The following GPBP1 variants were observed in gnomAD, a reference collection of about 807,000 sequenced individuals.
GPBP1 encodes GC-rich promoter binding protein 1, also known as vasculin.
Under a neutral mutation model 56.5 loss-of-function variants are expected in GPBP1, and 13 were observed. The ratio of observed to expected loss-of-function variants is 0.23; its 90% CI spans 0.15 to 0.37. The LOEUF (loss-of-function observed/expected upper bound fraction) is 0.37. GPBP1 is among the 10% of genes least tolerant of loss of function. GPBP1 has a pLI of 1.00. For synonymous variants in GPBP1, 204 were observed against 188.9 expected (o/e 1.08, Z -0.66); for missense variants, 477 against 572.3 (o/e 0.83, Z 1.70).
chr5:57,190,695 T>G (rs1754482818), intron 2 of GPBP1, among the ~76,000 whole-genome samples: 1 of 54,054 alleles, frequency 1.8e-5, no homozygotes, highest in Non-Finnish European at 3.5e-5. Context: ...TGCTGTTAGC[T>G]TTTTTTTTTT....
chr5:57,195,639 A>C (rs1754709460), intron 2 of GPBP1, among the ~76,000 whole-genome samples: 1 of 152,158 alleles, frequency 6.6e-6, no homozygotes, highest in Non-Finnish European at 1.5e-5. Flanking sequence ...ATTAGGAGCT[A>C]GCTGTGATGA....
chr5:57,197,275 T>C (rs1487459583), intron 2 of GPBP1, among the ~76,000 whole-genome samples: 1 of 152,008 alleles, frequency 6.6e-6, no homozygotes, highest in East Asian at 1.9e-4. Context: ...AGAATCATTA[T>C]AGAATCTTTA....
At chr5:57,241,147 T>A (rs998161781) in intron 6 of GPBP1, among the ~76,000 whole-genome samples, 10 of 152,180 alleles carry the variant, frequency 6.6e-5, no homozygotes, top group African/African-American at 1.9e-4. Flanking sequence ...AATGAAGTAG[T>A]TAAATGTAGT....
intron 2 of GPBP1, among the ~76,000 whole-genome samples, chr5:57,187,494 A>G (rs1016669393): frequency 6.6e-6 from 1 of 152,164 alleles, no homozygotes; most frequent in Non-Finnish European, 1.5e-5. Flanking sequence ...GGGATTTTCT[A>G]GTGAACAAGG....
At chr5:57,219,163 G>A (rs2111789284) in intron 3 of GPBP1, among the ~76,000 whole-genome samples, 1 of 151,906 alleles carries the variant, frequency 6.6e-6, no homozygotes, top group East Asian at 1.9e-4. Flanking sequence ...ATCACCTGAG[G>A]TCAGGAGTTC....
At chr5:57,253,051 G>A (rs181467217) in intron 10 of GPBP1, among the ~76,000 whole-genome samples, 1 of 152,236 alleles carries the variant, frequency 6.6e-6, no homozygotes, top group East Asian at 1.9e-4. Flanking sequence ...CATCAGTATA[G>A]TCTAAAGCGT....
chr5:57,221,470 A>G (rs1265092440), intron 3 of GPBP1: 2 of 891,190 alleles, frequency 2.2e-6, no homozygotes, highest in Non-Finnish European at 3.6e-6. Context: ...TTGTTATGCT[A>G]GGAAGGATGA....
chr5:57,254,834 T>G (rs1002494990), intron 10 of GPBP1, among the ~76,000 whole-genome samples: 1 of 152,240 alleles, frequency 6.6e-6, no homozygotes, highest in African/African-American at 2.4e-5. Context: ...TAAATTCACT[T>G]GTTTAGACAA....
intron 2 of GPBP1, among the ~76,000 whole-genome samples, chr5:57,199,241 C>G (rs1431804630): frequency 6.6e-6 from 1 of 152,080 alleles, no homozygotes; most frequent in Non-Finnish European, 1.5e-5. Flanking sequence ...GTAGATATAA[C>G]AAAAGTTAGC....
At chr5:57,235,653 G>A (rs985185543) in intron 5 of GPBP1, among the ~76,000 whole-genome samples, 8 of 152,132 alleles carry the variant, frequency 5.3e-5, no homozygotes, top group Non-Finnish European at 1.5e-5. Context: ...GTTTAATACA[G>A]GCTGAATGTC....
chr5:57,213,540 T>A (rs1201200157), intron 2 of GPBP1, among the ~76,000 whole-genome samples: 1 of 152,110 alleles, frequency 6.6e-6, no homozygotes, highest in Non-Finnish European at 1.5e-5. Flanking sequence ...TAAAAGCCAC[T>A]ATTTGTCGTA....
intron 3 of GPBP1, among the ~76,000 whole-genome samples, chr5:57,224,682 T>C (rs1313442151): frequency 1.3e-5 from 2 of 152,176 alleles, no homozygotes; most frequent in Non-Finnish European, 2.9e-5. Context: ...CCCAAAGCAC[T>C]GGGATTATAG....
chr5:57,248,145 A>G (rs1264733037), intron 8 of GPBP1, among the ~76,000 whole-genome samples: 1 of 152,158 alleles, frequency 6.6e-6, no homozygotes, highest in Non-Finnish European at 1.5e-5. Context: ...GAGGATTTGT[A>G]TTGTATAATG....
At chr5:57,243,644 A>T (rs1326138217) in intron 6 of GPBP1, among the ~76,000 whole-genome samples, 1 of 151,360 alleles carries the variant, frequency 6.6e-6, no homozygotes, top group Non-Finnish European at 1.5e-5. Flanking sequence ...ATTGAGGCTT[A>T]AAGATAGTAT....
At chr5:57,246,802 A>C (rs1279723111) in intron 7 of GPBP1, among the ~76,000 whole-genome samples, 2 of 152,106 alleles carry the variant, frequency 1.3e-5, no homozygotes. Context: ...TTGGAAACTC[A>C]CATGTTTTTT....
chr5:57,237,140 C>G, intron 6 of GPBP1: 1 of 1,549,948 alleles, frequency 6.5e-7, no homozygotes, highest in Non-Finnish European at 8.7e-7. Flanking sequence ...CACACATACC[C>G]AACCAAAAAA....
intron 2 of GPBP1, among the ~76,000 whole-genome samples, chr5:57,209,715 G>C (rs1355626876): frequency 6.6e-6 from 1 of 151,996 alleles, no homozygotes; most frequent in Non-Finnish European, 1.5e-5. Context: ...GCTAGATTTT[G>C]TCAAATGCTT....
intron 1 of GPBP1, among the ~76,000 whole-genome samples, chr5:57,174,771 T>G (rs1010111672): frequency 5.9e-5 from 9 of 152,184 alleles, no homozygotes; most frequent in African/African-American, 2.2e-4. Context: ...ATTCTTTGGT[T>G]TACGAAAAGG....
chr5:57,199,363 G>C (rs1208953765), intron 2 of GPBP1, among the ~76,000 whole-genome samples: 2 of 152,128 alleles, frequency 1.3e-5, no homozygotes, highest in Non-Finnish European at 2.9e-5. Context: ...GAACATTAGG[G>C]ATGGGCGGAA....
Sources: gnomAD v4.1 joint callset for allele counts (sites outside exome capture counted in the v4.1 genomes callset) on GRCh38, gnomAD v4.1.1 for gene constraint, MANE v1.5 for transcripts, NCBI Gene and HGNC (gene_info 2026-07-23, HGNC 2026-07-21) for gene names.